Variants in GTPBP1 observed in about 807,000 individuals in gnomAD.
GTPBP1 encodes the protein GTP-binding protein 1.
In GTPBP1, 23 loss-of-function variants were observed where a neutral mutation model predicts 62.0. That is an observed-to-expected ratio of 0.37 (90% CI 0.27 to 0.53). GTPBP1 has a LOEUF of 0.53. GTPBP1 is among the 20% of genes least tolerant of loss of function. The pLI is 0.89. For synonymous variants in GTPBP1, 344 were observed against 364.4 expected (o/e 0.94, Z 0.64); for missense variants, 640 against 917.3 (o/e 0.70, Z 3.90).
rs1013818868 is a variant in GTPBP1 at position 38,730,046 on chromosome 22, G to A, written c.1917+384G>A. Among the ~76,000 whole-genome samples the A allele has an allele frequency of 1.3e-5, 2 of 152,210 alleles. No homozygotes were observed. The highest frequency in any genetic ancestry group is 2.4e-5 in the African/African-American group (1 of 41,456). On this transcript the variant is annotated intron_variant, in intron 11 of 11. Coordinates refer to ENST00000216044, the MANE Select transcript of GTPBP1 (RefSeq NM_004286.5). This position sits in a 1 kb window ranked among gnomAD's most constrained non-coding sequence, Gnocchi z 5.6. Reference sequence around the variant, plus strand: ...CAGGTTTGAGAGACACTGCCTTAGAGGGTCCTCCTCTGTCCCCTCCCTGAC... The same window carrying A: ...CAGGTTTGAGAGACACTGCCTTAGAAGGTCCTCCTCTGTCCCCTCCCTGAC...
rs1182770971 is a variant in GTPBP1, at chr22:38,706,003, C to T, written c.48C>T (p.Ala16=). Residue 16 remains alanine, a synonymous_variant, in exon 1 of 12, where the codon GCC becomes GCT. Transcript: ENST00000216044. ...SRSAMDSPVP[A]SMFAPEPSSP... Reference sequence around the variant, plus strand: ...CCGCGATGGACTCGCCGGTCCCGGCCTCTATGTTCGCCCCCGAGCCCAGCT... The same window carrying T: ...CCGCGATGGACTCGCCGGTCCCGGCTTCTATGTTCGCCCCCGAGCCCAGCT... The T allele has an allele frequency of 3.4e-6, 5 of 1,459,070 alleles. No individual in the cohort carries two copies. The Admixed American group carries it at 7.1e-5, about 21-fold the overall frequency. The allele number at this position is 1,459,070 out of a possible 1,614,324, so 90.4% of individuals were successfully genotyped here. A position where few individuals can be genotyped will look rare whatever the true frequency, so the allele number is the denominator to read the frequency against.
downstream of GTPBP1, among the ~76,000 whole-genome samples, chr22:38,737,371 G>A (rs759586143): frequency 7.2e-5 from 11 of 151,888 alleles, no homozygotes; most frequent in Non-Finnish European, 1.6e-4. This position sits in a 1 kb window ranked among gnomAD's most constrained non-coding sequence, Gnocchi z 4.1. Flanking sequence ...TCCCTGCTAC[G>A]TCTTTGTCCT....
chr22:38,735,161 C>A (rs551068411), downstream of GTPBP1: 10 of 438,982 alleles, frequency 2.3e-5, no homozygotes, highest in Middle Eastern at 3.6e-4. Context: ...CCTCCTCCCC[C>A]TTCCCTATCC....
chr22:38,734,872 A>T (rs2092788096), downstream of GTPBP1: 1 of 197,084 alleles, frequency 5.1e-6, no homozygotes, highest in Admixed American at 5.4e-5. Flanking sequence ...GGGCGGCCTC[A>T]CCACCACTGC....
At chr22:38,728,233 C>A in intron 10 of GTPBP1, 72 bp downstream of exon 10, 2 of 1,107,350 alleles carry the variant, frequency 1.8e-6, no homozygotes, top group East Asian at 2.5e-5. Context: ...ACCCTGAGTG[C>A]AGGGCAGAGG....
intron 5 of GTPBP1, 116 bp downstream of exon 5, chr22:38,721,981 T>C: frequency 3.7e-6 from 2 of 545,994 alleles, no homozygotes; most frequent in Admixed American, 3.8e-5. Context: ...TTTTTATTTT[T>C]ATTTTTTTAT....
downstream of GTPBP1, chr22:38,742,261 G>A (rs960436635): frequency 6.4e-7 from 1 of 1,553,512 alleles, no homozygotes; most frequent in South Asian, 1.2e-5. Context: ...TTTCCTATGG[G>A]TGTCACCCAC....
chr22:38,724,291 T>C lies in GTPBP1; in HGVS notation c.959-6T>C. 1 of 1,588,986 alleles carries C rather than the reference T, an allele frequency of 6.3e-7. No homozygotes were observed. The highest frequency in any genetic ancestry group is 8.6e-7 in the Non-Finnish European group (1 of 1,157,152). The stretch of plus-strand genomic sequence containing the variant: ...CCCCTAATTCTGTTCCATTGCACCC[T>C]TTAAGAAACCCTGAAGCTGTTACAG... On this transcript the variant is annotated splice_region_variant and splice_polypyrimidine_tract_variant and intron_variant, in intron 5 of 11. Coordinates refer to ENST00000216044, the MANE Select transcript of GTPBP1 (RefSeq NM_004286.5).
At chr22:38,739,781 C>T, downstream of GTPBP1, 1 of 1,613,652 alleles carries the variant, frequency 6.2e-7, no homozygotes, top group Non-Finnish European at 8.5e-7. This position sits in a 1 kb window ranked among gnomAD's most constrained non-coding sequence, Gnocchi z 6.7. Context: ...GAGGCCGCGG[C>T]TTCCCTGGCC....
downstream of GTPBP1, chr22:38,738,219 A>G: frequency 2.5e-6 from 4 of 1,613,928 alleles, no homozygotes; most frequent in Non-Finnish European, 3.4e-6. The surrounding 1 kb of genome is among the most constrained non-coding windows in gnomAD (Gnocchi z 6.6). Context: ...ATCGTAAGTG[A>G]ACTTGCCAAG....
At chr22:38,723,323 T>C (rs2145871953) in intron 5 of GTPBP1, 1 of 830,880 alleles carries the variant, frequency 1.2e-6, no homozygotes, top group South Asian at 1.3e-5. Context: ...AGCAGGTGCA[T>C]GGTATGAGGA....
chr22:38,716,482 C>G lies in GTPBP1; in HGVS notation c.486-170C>G, dbSNP rs532577651. Among the ~76,000 whole-genome samples, 16 of 152,152 alleles carry G rather than the reference C, an allele frequency of 1.1e-4. No homozygotes were observed. Among genetic ancestry groups the G allele is most frequent in the Non-Finnish European group, 2.4e-4 (16 of 68,030 alleles). On this transcript the variant is annotated intron_variant, in intron 3 of 11. Coordinates refer to ENST00000216044, the MANE Select transcript of GTPBP1 (RefSeq NM_004286.5). This position sits in a 1 kb window ranked among gnomAD's most constrained non-coding sequence, Gnocchi z 5.2. Reference sequence around the variant, plus strand: ...GGCCCTTCTGATGACTCTACAGCAGCAGCTCTAGGAACCTTCCCACTGTGC... The same window carrying G: ...GGCCCTTCTGATGACTCTACAGCAGGAGCTCTAGGAACCTTCCCACTGTGC...
intron 2 of GTPBP1, among the ~76,000 whole-genome samples, chr22:38,713,056 A>G (rs1252098794): frequency 2.0e-5 from 3 of 152,206 alleles, no homozygotes; most frequent in Admixed American, 2.0e-4. Context: ...AAGGCAGTAC[A>G]TTGCAAATGT....
At chr22:38,736,494 C>A, downstream of GTPBP1, 3 of 765,102 alleles carry the variant, frequency 3.9e-6, no homozygotes, top group Non-Finnish European at 6.1e-6. Context: ...CCTGCTCCTT[C>A]CCTGGGGCTC....
chr22:38,741,389 G>A, downstream of GTPBP1: 1 of 1,199,484 alleles, frequency 8.3e-7, no homozygotes, highest in Non-Finnish European at 1.2e-6. Flanking sequence ...CCCTCCCCAT[G>A]CAACACCCAA....
intron 5 of GTPBP1, chr22:38,722,914 C>T (rs1463978861): frequency 1.2e-5 from 13 of 1,114,396 alleles, no homozygotes; most frequent in South Asian, 6.2e-5. Context: ...AGGTCATTGA[C>T]GCTCAAGTGC....
downstream of GTPBP1, chr22:38,736,939 G>T (rs143159139): frequency 6.3e-3 from 967 of 152,416 alleles, 8 homozygotes; most frequent in Non-Finnish European, 0.01. Context: ...AACCTTCTGG[G>T]CTCAAGGGAT....
At chr22:38,739,151 G>A, downstream of GTPBP1, 2 of 904,960 alleles carry the variant, frequency 2.2e-6, no homozygotes, top group Non-Finnish European at 3.5e-6. The surrounding 1 kb of genome is among the most constrained non-coding windows in gnomAD (Gnocchi z 6.7). Context: ...CCTCTCCCTG[G>A]CCCAGGATGG....
At chr22:38,712,856 T>C (rs766290327) in intron 2 of GTPBP1, among the ~76,000 whole-genome samples, 8 of 152,220 alleles carry the variant, frequency 5.3e-5, no homozygotes, top group African/African-American at 9.6e-5. Flanking sequence ...CACAGCTCAC[T>C]TTGCCGTGCA....
Sources: allele counts gnomAD v4.1 joint callset (sites outside exome capture counted in the v4.1 genomes callset), GRCh38; gene constraint gnomAD v4.1.1; non-coding constraint Gnocchi (gnomAD v3.1); transcripts MANE v1.5; gene names NCBI Gene and HGNC (gene_info 2026-07-23, HGNC 2026-07-21).